The following XRCC5 variants were observed in gnomAD, a reference collection of about 807,000 sequenced individuals.
XRCC5 encodes X-ray repair cross complementing 5.
In XRCC5, 12 loss-of-function variants were observed where a neutral mutation model predicts 95.7. The observed-to-expected ratio is 0.13, with a 90% CI of 0.08 to 0.20. The LOEUF (loss-of-function observed/expected upper bound fraction) is 0.20. XRCC5 is among the 10% of genes least tolerant of loss of function. The probability of loss-of-function intolerance (pLI) is 1.00; values close to 1 mark genes in which losing one functional copy is unlikely to be tolerated. For missense variants in XRCC5, 595 were observed against 873.9 expected (o/e 0.68, Z 4.02); for synonymous variants, 281 against 290.3 (o/e 0.97, Z 0.33).
intron 18 of XRCC5, among the ~76,000 whole-genome samples, chr2:216,193,536 G>GTT (rs1205765486): frequency 6.6e-6 from 1 of 152,128 alleles, no homozygotes; most frequent in Non-Finnish European, 1.5e-5. Flanking sequence ...CATCACACAG[G>GTT]TAACTGTTTT....
rs143232624 is a variant in XRCC5 at position 216,187,861 on chromosome 2, T to TCTCTCTCTCCC, written c.1835-2363_1835-2362insTCTCTCTCCCC. Among the ~76,000 whole-genome samples the TCTCTCTCTCCC allele has an allele frequency of 7.7e-4, 90 of 116,248 alleles. 5 individuals are homozygous for TCTCTCTCTCCC. The highest frequency in any genetic ancestry group is 2.9e-3 in the African/African-American group (69 of 23,896). The allele number at this position is 116,248 out of a possible 152,430, so 76.3% of individuals were successfully genotyped here. ...CTCTCTCTCTCTCTCTCTCTCTCTC[T>TCTCTCTCTCCC]CCCCGTCTCCCTGTCTCTCCCTCTC... On this transcript the variant is annotated intron_variant, in intron 16 of 20. Coordinates refer to ENST00000392132, the MANE Select transcript of XRCC5 (RefSeq NM_021141.4).
intron 2 of XRCC5, among the ~76,000 whole-genome samples, chr2:216,115,579 A>G (rs1696681272): frequency 2.6e-5 from 4 of 152,244 alleles, no homozygotes; most frequent in African/African-American, 7.2e-5. Flanking sequence ...AGACCCTACA[A>G]AAATGAAGAA....
At position 216,174,390 on chromosome 2, in the gene XRCC5, T is replaced by A. The variant is rs553776343; in HGVS notation, c.1834+12342T>A. Among the ~76,000 whole-genome samples, 177 of 152,350 alleles carry A rather than the reference T, an allele frequency of 1.2e-3. 1 individual carries two copies. Among genetic ancestry groups the A allele is most frequent in the African/African-American group, 4.1e-3 (169 of 41,574 alleles). On this transcript the variant is annotated intron_variant, in intron 16 of 20. Coordinates refer to ENST00000392132, the MANE Select transcript of XRCC5 (RefSeq NM_021141.4). ...CAGCATATGTTTCTTTATAGTTAAC[T>A]TTAGCAAAATTTATACAAAATAGTA...
chr2:216,126,228 A>G (rs936438189), intron 7 of XRCC5, among the ~76,000 whole-genome samples, 197 bp downstream of exon 7: 5 of 152,222 alleles, frequency 3.3e-5, no homozygotes, highest in Admixed American at 6.5e-5. Context: ...AGAATTGTCT[A>G]TAATAGAGTT....
intron 3 of XRCC5, chr2:216,117,150 G>T (rs1010825124): frequency 4.3e-5 from 12 of 280,420 alleles, no homozygotes; most frequent in Admixed American, 3.3e-4. Context: ...GAGGGTTTTA[G>T]TGGTGCTCGT....
At chr2:216,130,042 G>C (rs895862803) in intron 8 of XRCC5, among the ~76,000 whole-genome samples, 2 of 152,088 alleles carry the variant, frequency 1.3e-5, no homozygotes, top group African/African-American at 2.4e-5. Flanking sequence ...ATAAACACTA[G>C]ATCACAGAAT....
At chr2:216,192,851 G>A in intron 18 of XRCC5, 116 bp downstream of exon 18, 1 of 700,710 alleles carries the variant, frequency 1.4e-6, no homozygotes, top group Admixed American at 3.9e-5. Context: ...GAGTTATGTG[G>A]GAAACATGAT....
intron 15 of XRCC5, among the ~76,000 whole-genome samples, chr2:216,160,461 G>T (rs997304744): frequency 6.6e-6 from 1 of 152,074 alleles, no homozygotes; most frequent in Admixed American, 6.6e-5. Flanking sequence ...TTTTCAACTA[G>T]TCAAAATGAT....
intron 6 of XRCC5, among the ~76,000 whole-genome samples, chr2:216,125,382 A>G (rs1377888103): frequency 6.6e-6 from 1 of 152,008 alleles, no homozygotes; most frequent in Non-Finnish European, 1.5e-5. Context: ...TTTTTACTAG[A>G]GATGGGGTTT....
intron 16 of XRCC5, among the ~76,000 whole-genome samples, chr2:216,163,634 C>A (rs542089997): frequency 2.2e-4 from 33 of 152,098 alleles, no homozygotes; most frequent in Non-Finnish European, 4.1e-4. Context: ...AGAAGCACTA[C>A]TGCCTGCAGT....
intron 16 of XRCC5, chr2:216,176,040 C>T (rs1483303658): frequency 1.0e-5 from 2 of 199,244 alleles, no homozygotes; most frequent in Non-Finnish European, 2.0e-5. Flanking sequence ...CATTTTAAGA[C>T]TAGACTTGCC....
intron 19 of XRCC5, among the ~76,000 whole-genome samples, chr2:216,200,136 C>T (rs754418012): frequency 1.7e-4 from 26 of 152,208 alleles, no homozygotes; most frequent in Admixed American, 2.6e-4. Flanking sequence ...CCCAGATGCC[C>T]GCTGTAGTCG....
At chr2:216,152,551 G>C (rs1688763264) in intron 14 of XRCC5, among the ~76,000 whole-genome samples, 2 of 151,860 alleles carry the variant, frequency 1.3e-5, no homozygotes, top group Non-Finnish European at 2.9e-5. Context: ...GTTTTTGCAT[G>C]TACCTCCCTT....
intron 19 of XRCC5, among the ~76,000 whole-genome samples, chr2:216,203,044 C>T (rs1689869584): frequency 6.6e-6 from 1 of 152,074 alleles, no homozygotes; most frequent in Non-Finnish European, 1.5e-5. Context: ...GTCCATTGTA[C>T]CATAAAAGTA....
chr2:216,190,661 G>A (rs1689598581), intron 17 of XRCC5, among the ~76,000 whole-genome samples: 1 of 152,064 alleles, frequency 6.6e-6, no homozygotes. Flanking sequence ...ACTCACTATT[G>A]TAAAGGATGG....
At chr2:216,188,514 A>G (rs1216279853) in intron 16 of XRCC5, among the ~76,000 whole-genome samples, 4 of 152,200 alleles carry the variant, frequency 2.6e-5, no homozygotes, top group Non-Finnish European at 5.9e-5. Flanking sequence ...AAGATTTCCT[A>G]TTCTCATTTC....
At chr2:216,136,229 A>T (rs1021302452) in intron 10 of XRCC5, among the ~76,000 whole-genome samples, 4 of 151,672 alleles carry the variant, frequency 2.6e-5, no homozygotes, top group Admixed American at 6.6e-5. Context: ...GGTGGCACAT[A>T]CTTGTAATCC....
At chr2:216,203,971 C>T (rs889434072) in intron 19 of XRCC5, 2 of 216,142 alleles carry the variant, frequency 9.3e-6, no homozygotes, top group African/African-American at 4.5e-5. Context: ...TTTTCTTAAC[C>T]TTAGCAAGCC....
intron 3 of XRCC5, 74 bp downstream of exon 3, chr2:216,116,916 C>T: frequency 2.6e-6 from 4 of 1,526,972 alleles, no homozygotes; most frequent in Non-Finnish European, 3.6e-6. Context: ...TTTGATGAGA[C>T]ACCCCCAGAG....
Sources: gnomAD v4.1 joint callset for allele counts (sites outside exome capture counted in the v4.1 genomes callset) on GRCh38, gnomAD v4.1.1 for gene constraint, MANE v1.5 for transcripts, NCBI Gene and HGNC (gene_info 2026-07-23, HGNC 2026-07-21) for gene names.